Variants in DDX46 observed in about 807,000 individuals in gnomAD.
DDX46 encodes probable ATP-dependent RNA helicase DDX46.
DDX46 carries 30 observed loss-of-function variants against 134.9 expected under a neutral mutation model. That is an observed-to-expected ratio of 0.22 (90% CI 0.17 to 0.30). DDX46 has a LOEUF of 0.30. Ranked by LOEUF, DDX46 falls within the 10% of genes least tolerant of loss-of-function variation. The probability of loss-of-function intolerance (pLI) is 1.00; values close to 1 mark genes in which losing one functional copy is unlikely to be tolerated. For missense variants in DDX46, 622 were observed against 1,248.7 expected (o/e 0.50, Z 7.56); for synonymous variants, 415 against 404.1 (o/e 1.03, Z -0.32).
chr5:134,782,592 A>G (rs1437890968), intron 8 of DDX46, among the ~76,000 whole-genome samples: 1 of 151,640 alleles, frequency 6.6e-6, no homozygotes, highest in African/African-American at 2.4e-5. Flanking sequence ...GTCATTGCTC[A>G]CTGTAGCCTT....
chr5:134,828,638 A>G (rs1238754686), intron 22 of DDX46, 21 bp from the exon 23 acceptor site: 1 of 1,439,654 alleles, frequency 6.9e-7, no homozygotes, highest in Non-Finnish European at 9.2e-7. Context: ...CTGATGACAT[A>G]TCTTTTATTT....
At chr5:134,814,139 A>G (rs1050984156) in intron 18 of DDX46, among the ~76,000 whole-genome samples, 3 of 152,148 alleles carry the variant, frequency 2.0e-5, no homozygotes, top group Non-Finnish European at 4.4e-5. Context: ...ATTACAGTAT[A>G]TTGCTATAAT....
At chr5:134,766,304 T>C (rs1753565859) in intron 2 of DDX46, among the ~76,000 whole-genome samples, 1 of 152,202 alleles carries the variant, frequency 6.6e-6, no homozygotes, top group African/African-American at 2.4e-5. Context: ...ACGCCTGTAA[T>C]CCCAGCACTT....
intron 18 of DDX46, among the ~76,000 whole-genome samples, chr5:134,814,257 A>G (rs1390822899): frequency 6.6e-6 from 1 of 152,152 alleles, no homozygotes; most frequent in Non-Finnish European, 1.5e-5. Flanking sequence ...GTGCGGTACT[A>G]TCTCTGTTTT....
At chr5:134,827,059 A>G (rs777026345) in intron 22 of DDX46, 39 bp downstream of exon 22, 6 of 1,571,340 alleles carry the variant, frequency 3.8e-6, no homozygotes, top group African/African-American at 1.4e-5. Flanking sequence ...TTTTGTTTTA[A>G]TAAGTGTTTT....
chr5:134,802,117 C>T (rs906544761), intron 15 of DDX46, among the ~76,000 whole-genome samples: 1 of 149,590 alleles, frequency 6.7e-6, no homozygotes, highest in African/African-American at 2.5e-5. Context: ...TCTTTTTCAA[C>T]CTTTTTTTTC....
chr5:134,770,195 C>T (rs1433297354), intron 3 of DDX46, among the ~76,000 whole-genome samples: 1 of 150,156 alleles, frequency 6.7e-6, no homozygotes, highest in Non-Finnish European at 1.5e-5. Context: ...CTATGCCTGA[C>T]CAAATTTTTT....
At chr5:134,764,160 T>C in intron 2 of DDX46, 68 bp downstream of exon 2, 1 of 1,475,242 alleles carries the variant, frequency 6.8e-7, no homozygotes, top group South Asian at 1.4e-5. Context: ...GCAGGCTTCT[T>C]GAAAAGTATG....
Position 134,767,041 on chromosome 5 carries a change from A to C in DDX46, c.331A>C (p.Ser111Arg), listed in dbSNP as rs376876752. ...RSRSSSPGNKSKKTENRSRSK... is the reference protein window; with the variant it reads ...RSRSSSPGNKRKKTENRSRSK... ...CCGATCCTCCAGTCCTGGAAATAAA[A>C]GCAAGAAAACTGAGAATAGGTAATG... The change falls in exon 3 of 23, where the codon AGC (serine) becomes CGC (arginine). Residue 111 changes from serine (S) to arginine (R), a missense_variant. Physicochemically the swap from Ser to Arg is moderately radical, Grantham distance 110. This residue lies in a region of DDX46 where 244 missense variants were observed against 349.3 expected (regional missense o/e 0.70). Transcript: ENST00000452510. 3 of 1,613,618 alleles carry C rather than the reference A, an allele frequency of 1.9e-6. No homozygotes were observed. The African/African-American group carries it at 4.0e-5, about 22-fold the overall frequency.
At chr5:134,802,500 T>G (rs578000841) in intron 15 of DDX46, among the ~76,000 whole-genome samples, 110 of 151,490 alleles carry the variant, frequency 7.3e-4, no homozygotes, top group Non-Finnish European at 1.1e-3. Flanking sequence ...CATTATCGTT[T>G]TTTTTTTTTT....
At chr5:134,781,782 G>C (rs1754162515) in intron 7 of DDX46, 139 bp from the exon 8 acceptor site, 1 of 788,196 alleles carries the variant, frequency 1.3e-6, no homozygotes, top group East Asian at 3.0e-5. Context: ...AAATCTTGTG[G>C]GTCAAACAGT....
intron 21 of DDX46, among the ~76,000 whole-genome samples, chr5:134,819,386 C>T (rs1755377591): frequency 6.6e-6 from 1 of 152,118 alleles, no homozygotes; most frequent in South Asian, 2.1e-4. Flanking sequence ...GTGAAATTAT[C>T]CCCATGAAAG....
chr5:134,811,138 AG>A, intron 16 of DDX46, 82 bp from the exon 17 acceptor site: 1 of 1,212,938 alleles, frequency 8.2e-7, no homozygotes, highest in Non-Finnish European at 1.1e-6. Flanking sequence ...AGGATTTATT[AG>A]GTGGATCAGA....
chr5:134,776,710 T>C (rs982905172), intron 5 of DDX46, among the ~76,000 whole-genome samples: 1 of 150,426 alleles, frequency 6.6e-6, no homozygotes, highest in African/African-American at 2.5e-5. Context: ...AGGTCAGGAG[T>C]TCGAGACCAG....
intron 4 of DDX46, among the ~76,000 whole-genome samples, chr5:134,772,201 C>T (rs1411511484): frequency 1.3e-5 from 2 of 151,498 alleles, no homozygotes; most frequent in Admixed American, 6.6e-5. Context: ...CATTGCACTC[C>T]AGCCTGGGCA....
chr5:134,795,882 T>C (rs980604449), intron 14 of DDX46, 106 bp from the exon 15 acceptor site: 3 of 1,025,442 alleles, frequency 2.9e-6, no homozygotes, highest in Admixed American at 5.4e-5. Flanking sequence ...GGTAAAGATA[T>C]AGCAAGATAT....
chr5:134,758,881 T>C lies in DDX46; in HGVS notation c.-58T>C. ...GTTGAGGGCAGCTCAGCCTCCTTGTTTGTCCGGTTCGCCTGTGCGTGGTAC... is the reference window on the plus strand; with the variant it reads ...GTTGAGGGCAGCTCAGCCTCCTTGTCTGTCCGGTTCGCCTGTGCGTGGTAC... On this transcript the variant is annotated 5_prime_UTR_variant, in exon 1 of 23. Coordinates refer to ENST00000452510, the MANE Select transcript of DDX46 (RefSeq NM_001300860.2). 1 of 1,613,696 alleles carries C rather than the reference T, an allele frequency of 6.2e-7. No individual in the cohort carries two copies. The highest frequency in any genetic ancestry group is 8.5e-7 in the Non-Finnish European group (1 of 1,179,798).
At chr5:134,828,529 T>A (rs1755649108) in intron 22 of DDX46, 130 bp from the exon 23 acceptor site, 2 of 520,562 alleles carry the variant, frequency 3.8e-6, no homozygotes, top group African/African-American at 4.0e-5. Flanking sequence ...AATAGTTTTA[T>A]AAGTTGGCAA....
chr5:134,799,953 CTT>C (rs1754777542), intron 15 of DDX46, among the ~76,000 whole-genome samples: 1 of 152,008 alleles, frequency 6.6e-6, no homozygotes, highest in Non-Finnish European at 1.5e-5. Flanking sequence ...GAGTTAACCA[CTT>C]TTACTTTTTT....
Sources: gnomAD v4.1 joint callset for allele counts (sites outside exome capture counted in the v4.1 genomes callset) on GRCh38, gnomAD v4.1.1 for gene constraint, gnomAD v4.1.1 regional missense constraint, MANE v1.5 for transcripts, NCBI Gene and HGNC (gene_info 2026-07-23, HGNC 2026-07-21) for gene names.